Variants in ZNF304 observed in about 807,000 individuals in gnomAD.
ZNF304 encodes the protein zinc finger protein 304.
In ZNF304, 7 loss-of-function variants were observed where a neutral mutation model predicts 7.8. That is an observed-to-expected ratio of 0.90 (90% CI 0.51 to 1.69). The LOEUF (loss-of-function observed/expected upper bound fraction) is 1.69, where lower values mean the gene tolerates loss of function less well. Among genes scored for constraint, ZNF304 ranks in the 40% most tolerant of loss-of-function variants. The pLI, the probability that ZNF304 is intolerant of heterozygous loss-of-function variation, is 0.00. For synonymous variants in ZNF304, 280 were observed against 272.4 expected, an observed-to-expected ratio of 1.03 and a Z score of -0.27; for missense variants, 669 against 804.8, an observed-to-expected ratio of 0.83 and a Z score of 2.04.
Position 57,359,204 on chromosome 19 carries a change from G to C in ZNF304, c.*1355G>C, listed in dbSNP as rs1015267587. 5.9e-5 allele frequency: 9 copies of C among 152,190 alleles called. No homozygotes were observed. The highest frequency in any genetic ancestry group is 1.0e-4 in the Non-Finnish European group (7 of 68,036). 9.4% of individuals were successfully genotyped at this position (152,190 alleles called of 1,614,324 possible). ...CTGGGCAGTTGACCTGCACAGACAG[G>C]AACCTCAGCAGTGACAGAAGAGAGA... On this transcript the variant is annotated 3_prime_UTR_variant, in exon 3 of 3. Coordinates refer to ENST00000282286, the MANE Select transcript of ZNF304 (RefSeq NM_020657.4).
rs1262390549 is a variant in ZNF304 at position 57,351,909 on chromosome 19, TC to T, written c.33+214del. 3 of 546,590 alleles carry T rather than the reference TC, an allele frequency of 5.5e-6. No homozygotes were observed. The highest frequency in any genetic ancestry group is 2.5e-5 in the South Asian group (1 of 40,148). The allele number at this position is 546,590 out of a possible 1,614,324, so 33.9% of individuals were successfully genotyped here. A position where few individuals can be genotyped will look rare whatever the true frequency, so the allele number is the denominator to read the frequency against. On this transcript the variant is annotated intron_variant, in intron 1 of 2. Coordinates refer to ENST00000282286, the MANE Select transcript of ZNF304 (RefSeq NM_020657.4). The surrounding 1 kb of genome is among the most constrained non-coding windows in gnomAD (Gnocchi z 4.1). ...GGAGAGGAGAATGAGTTTGGGGAGT[TC>T]CGGGAACTCTCTGTGCCTGGTGAGA... is the stretch of plus-strand genomic sequence containing the variant.
At position 57,356,710 on chromosome 19, in the gene ZNF304, T is replaced by G. The variant is rs1378454222; in HGVS notation, c.841T>G (p.Cys281Gly). The G allele has an allele frequency of 6.2e-7, 1 of 1,614,220 alleles. No homozygotes were observed. The highest frequency in any genetic ancestry group is 2.2e-5 in the East Asian group (1 of 44,890). ...KIHSGEISHVCKECGKAFIHL... is the reference protein window; with the variant it reads ...KIHSGEISHVGKECGKAFIHL... Reference sequence around the variant, plus strand: ...CCACAGTGGAGAAATATCTCATGTGTGTAAGGAGTGTGGAAAAGCCTTCAT... The same window carrying G: ...CCACAGTGGAGAAATATCTCATGTGGGTAAGGAGTGTGGAAAAGCCTTCAT... The change falls in exon 3 of 3, where the codon TGT becomes GGT. Residue 281 changes from cysteine (C) to glycine (G), a missense_variant. Transcript: ENST00000282286.
chr19:57,351,676 G>A lies in ZNF304; in HGVS notation c.12G>A (p.Ala4=), dbSNP rs1179919995. The A allele has an allele frequency of 6.2e-7, 1 of 1,613,146 alleles. No homozygotes were observed. The part of the protein sequence containing the change: MAA[A]VLMDRVQSCV... ...TTCATCCGCTTCTCATGGCAGCGGC[G>A]GTGCTGATGGACCGGGTTCAGGTGA... is the stretch of plus-strand genomic sequence containing the variant. Residue 4 remains alanine, a synonymous_variant, in exon 1 of 3, where the codon GCG becomes GCA. Coordinates refer to ENST00000282286, the MANE Select transcript of ZNF304 (RefSeq NM_020657.4). The surrounding 1 kb of genome is among the most constrained non-coding windows in gnomAD (Gnocchi z 4.1).
rs1395897134 is a variant in ZNF304, at chr19:57,358,934, C to T, written c.*1085C>T. On this transcript the variant is annotated 3_prime_UTR_variant, in exon 3 of 3. Coordinates refer to ENST00000282286, the MANE Select transcript of ZNF304 (RefSeq NM_020657.4). ...AGGCAAGTAACATTGACTGTAAGAC[C>T]TCTGTAGGGCAATGTGAAAATCATG... The T allele has an allele frequency of 6.6e-6, 1 of 152,196 alleles. No individual in the cohort carries two copies. Among genetic ancestry groups the T allele is most frequent in the African/African-American group, 2.4e-5 (1 of 41,414 alleles). 9.4% of individuals were successfully genotyped at this position (152,196 alleles called of 1,614,324 possible). A position where few individuals can be genotyped will look rare whatever the true frequency, so the allele number is the denominator to read the frequency against.
chr19:57,354,155 G>A (rs138264677), intron 2 of ZNF304, among the ~76,000 whole-genome samples: 7 of 152,130 alleles, frequency 4.6e-5, no homozygotes, highest in Non-Finnish European at 1.0e-4. Flanking sequence ...GACTATAGGT[G>A]CATGCCACCA....
rs2088330826 is a variant in ZNF304 at position 57,356,021 on chromosome 19, T to C, written c.161-9T>C. On this transcript the variant is annotated splice_polypyrimidine_tract_variant and intron_variant, in intron 2 of 2. Coordinates refer to ENST00000282286, the MANE Select transcript of ZNF304 (RefSeq NM_020657.4). Reference sequence around the variant, plus strand: ...AGCATGCACTTCACCAGCTCTTTTTTGCTTTCAGGTTTTTGGTGTGAAGCA... The same window carrying C: ...AGCATGCACTTCACCAGCTCTTTTTCGCTTTCAGGTTTTTGGTGTGAAGCA... 1 of 1,589,744 alleles carries C rather than the reference T, an allele frequency of 6.3e-7. No homozygotes were observed. The highest frequency in any genetic ancestry group is 8.6e-7 in the Non-Finnish European group (1 of 1,165,640).
rs949957410 is a variant in ZNF304 at position 57,357,129 on chromosome 19, A to T, written c.1260A>T (p.Glu420Asp). The change falls in exon 3 of 3, where the codon GAA (glutamate) becomes GAT (aspartate). Residue 420 changes from glutamate (E) to aspartate (D), a missense_variant. Transcript: ENST00000282286. ...WRIHTGARPY[E>D]CIECGKFFSH... ...TTCATACCGGGGCAAGGCCCTATGA[A>T]TGCATAGAATGTGGAAAATTCTTTA... 1.2e-6 allele frequency: 2 copies of T among 1,612,766 alleles called. No individual in the cohort carries two copies. The highest frequency in any genetic ancestry group is 1.7e-6 in the Non-Finnish European group (2 of 1,179,354).
intron 1 of ZNF304, among the ~76,000 whole-genome samples, chr19:57,353,185 T>C (rs542634357): frequency 4.0e-4 from 61 of 152,160 alleles, no homozygotes; most frequent in Non-Finnish European, 6.6e-4. Context: ...CAGTGGTGGA[T>C]AGTGTGAAGA....
In ZNF304 at chr19:57,351,673, G is replaced by A. The variant is rs1568516760; in HGVS notation, c.9G>A (p.Ala3=). Residue 3 remains alanine (A), a synonymous_variant, in exon 1 of 3, where the codon GCG becomes GCA. Coordinates refer to ENST00000282286, the MANE Select transcript of ZNF304 (RefSeq NM_020657.4). This position sits in a 1 kb window ranked among gnomAD's most constrained non-coding sequence, Gnocchi z 4.1. ...CTGTTCATCCGCTTCTCATGGCAGC[G>A]GCGGTGCTGATGGACCGGGTTCAGG... MA[A]AVLMDRVQSC... The A allele has an allele frequency of 6.2e-7, 1 of 1,613,300 alleles. No homozygotes were observed. The highest frequency in any genetic ancestry group is 1.7e-5 in the Admixed American group (1 of 59,918).
Position 57,357,859 on chromosome 19 carries a change from A to ATG in ZNF304, c.*11_*12insGT. On this transcript the variant is annotated 3_prime_UTR_variant, in exon 3 of 3. Coordinates refer to ENST00000282286, the MANE Select transcript of ZNF304 (RefSeq NM_020657.4). ...TCTTAAACTTGTTTAACACCAGAAA[A>ATG]TTCACACAAGAGAAAGGCCTTATGA... is the stretch of plus-strand genomic sequence containing the variant. 3 of 1,578,672 alleles carry ATG rather than the reference A, an allele frequency of 1.9e-6. No individual in the cohort carries two copies. The South Asian group carries it at 3.5e-5, about 19-fold the overall frequency.
chr19:57,352,303 T>C (rs1287212314), intron 1 of ZNF304, among the ~76,000 whole-genome samples: 1 of 152,194 alleles, frequency 6.6e-6, no homozygotes, highest in African/African-American at 2.4e-5. Flanking sequence ...CTGTCTTCAC[T>C]TGAGACAGGG....
In ZNF304 at chr19:57,356,358, A is replaced by G. The variant is rs747940207; in HGVS notation, c.489A>G (p.Leu163=). The change falls in exon 3 of 3, where the codon TTA becomes TTG. Residue 163 remains leucine (L), a synonymous_variant. Transcript: ENST00000282286. ...SFVKSCTVHM[L]GRSFTCREEG... is the part of the protein sequence containing the mutation. ...TGAAGAGCTGTACAGTCCACATGTT[A>G]GGGAGATCCTTTACGTGCAGGGAGG... 1.9e-6 allele frequency: 3 copies of G among 1,614,204 alleles called. No homozygotes were observed. Among genetic ancestry groups the G allele is most frequent in the Non-Finnish European group, 2.5e-6 (3 of 1,180,024 alleles).
chr19:57,353,061 G>A (rs2088294384), intron 1 of ZNF304, among the ~76,000 whole-genome samples: 1 of 152,208 alleles, frequency 6.6e-6, no homozygotes, highest in African/African-American at 2.4e-5. Context: ...GGTGGCCAGT[G>A]TGTGGAGTGG....
At position 57,356,669 on chromosome 19, in the gene ZNF304, T is replaced by C. The variant is rs143319841; in HGVS notation, c.800T>C (p.Ile267Thr). The change falls in exon 3 of 3, where the codon ATT (isoleucine) becomes ACT (threonine). Residue 267 changes from isoleucine to threonine, a missense_variant. By Grantham distance (89) the Ile-to-Thr change is moderately conservative. Transcript: ENST00000282286. Reference protein sequence around the residue: ...GNVFKEKSALINHRKIHSGEI... With the variant: ...GNVFKEKSALTNHRKIHSGEI... ...GTGTTCAAGGAGAAATCAGCTCTTATTAATCACAGAAAAATCCACAGTGGA... is the reference window on the plus strand; with the variant it reads ...GTGTTCAAGGAGAAATCAGCTCTTACTAATCACAGAAAAATCCACAGTGGA... 3.7e-6 allele frequency: 6 copies of C among 1,614,216 alleles called. No homozygotes were observed. In the African/African-American group the frequency reaches 5.3e-5, roughly 14 times the overall value.
chr19:57,351,953 A>G lies in ZNF304; in HGVS notation c.33+256A>G. On this transcript the variant is annotated intron_variant, in intron 1 of 2. Transcript: ENST00000282286. The surrounding 1 kb of genome is among the most constrained non-coding windows in gnomAD (Gnocchi z 4.1). ...TGGTGAGAACAGGGACTAGGGGGTC[A>G]GAGGTAGGCCTGGAATGGCCGCCCG... 1 of 456,586 alleles carries G rather than the reference A, an allele frequency of 2.2e-6. No individual in the cohort carries two copies. Among genetic ancestry groups the G allele is most frequent in the Non-Finnish European group, 3.8e-6 (1 of 261,302 alleles). The allele number at this position is 456,586 out of a possible 1,614,324, so 28.3% of individuals were successfully genotyped here.
At position 57,359,315 on chromosome 19, in the gene ZNF304, C is replaced by T. The variant is rs2088392004; in HGVS notation, c.*1466C>T. 6.6e-6 allele frequency: 1 copy of T among 152,230 alleles called. No individual in the cohort carries two copies. The highest frequency in any genetic ancestry group is 6.5e-5 in the Admixed American group (1 of 15,284). The allele number at this position is 152,230 out of a possible 1,614,324, so 9.4% of individuals were successfully genotyped here. On this transcript the variant is annotated 3_prime_UTR_variant, in exon 3 of 3. Transcript: ENST00000282286. ...ATCATTGCTTACCAATTTTTACCAA[C>T]ATTGAGGCAGGGCTCACTCTCCTAA...
Position 57,357,613 on chromosome 19 carries a change from A to G in ZNF304, c.1744A>G (p.Thr582Ala). The change falls in exon 3 of 3, where the codon ACT becomes GCT. Residue 582 changes from threonine to alanine, a missense_variant. Physicochemically the swap from Thr to Ala is moderately conservative, Grantham distance 58. Transcript: ENST00000282286. ...CCTTGTTCAACACAAGAAAGTTCAC[A>G]CTGGAGCAAGACCTTATGAGTGCAG... is the stretch of plus-strand genomic sequence containing the variant. ...SHLVQHKKVH[T>A]GARPYECSEC... 1 of 1,614,254 alleles carries G rather than the reference A, an allele frequency of 6.2e-7. No individual in the cohort carries two copies. Among genetic ancestry groups the G allele is most frequent in the South Asian group, 1.1e-5 (1 of 91,084 alleles).
rs151177475 is a variant in ZNF304 at position 57,353,764 on chromosome 19, C to G, written c.73C>G (p.Arg25Gly). The part of the protein sequence containing the change: ...TFEDVFVYFS[R>G]EEWELLEEAQ... ...CGAGGATGTGTTCGTGTACTTCTCT[C>G]GGGAGGAGTGGGAACTCCTTGAGGA... is the stretch of plus-strand genomic sequence containing the variant. Residue 25 changes from arginine (R) to glycine (G), a missense_variant, in exon 2 of 3, where the codon CGG becomes GGG. Physicochemically the swap from Arg to Gly is moderately radical, Grantham distance 125 (BLOSUM62 -2). Transcript: ENST00000282286. 2 of 1,613,286 alleles carry G rather than the reference C, an allele frequency of 1.2e-6. No individual in the cohort carries two copies. Among genetic ancestry groups the G allele is most frequent in the South Asian group, 1.1e-5 (1 of 90,994 alleles).
Position 57,356,791 on chromosome 19 carries a change from A to G in ZNF304, c.922A>G (p.Thr308Ala). The G allele has an allele frequency of 6.2e-7, 1 of 1,614,238 alleles. No individual in the cohort carries two copies. Among genetic ancestry groups the G allele is most frequent in the Non-Finnish European group, 8.5e-7 (1 of 1,180,038 alleles). ...QKFHTGKRHY[T>A]CSECGKAFSR... ...ATTTCACACTGGAAAAAGACACTAT[A>G]CATGCAGTGAATGTGGGAAGGCCTT... Residue 308 changes from threonine to alanine, a missense_variant, in exon 3 of 3, where the codon ACA (threonine) becomes GCA (alanine). By Grantham distance (58) the Thr-to-Ala change is moderately conservative. Transcript: ENST00000282286.
Sources: gnomAD v4.1 joint callset for allele counts (sites outside exome capture counted in the v4.1 genomes callset) on GRCh38, gnomAD v4.1.1 for gene constraint, Gnocchi (gnomAD v3.1) non-coding constraint, MANE v1.5 for transcripts, NCBI Gene and HGNC (gene_info 2026-07-23, HGNC 2026-07-21) for gene names.